The following CAMTA1 variants were observed in gnomAD, a reference collection of about 807,000 sequenced individuals.
CAMTA1 encodes calmodulin binding transcription activator 1, also known as calmodulin-binding transcription activator 1.
A neutral mutation model predicts 170.9 loss-of-function variants in CAMTA1; 27 were observed. That is an observed-to-expected ratio of 0.16 (90% confidence interval 0.12 to 0.22). CAMTA1 has a LOEUF of 0.22. Ranked by LOEUF, CAMTA1 falls within the 10% of genes least tolerant of loss-of-function variation. The pLI is 1.00. For missense variants in CAMTA1, 1,619 were observed against 2,217.2 expected (o/e 0.73, Z 5.42); for synonymous variants, 833 against 891.5 (o/e 0.93, Z 1.17).
chr1:6,958,658 C>T (rs1219929631), intron 3 of CAMTA1, among the ~76,000 whole-genome samples: 1 of 152,204 alleles, frequency 6.6e-6, no homozygotes, highest in Non-Finnish European at 1.5e-5. Context: ...ACAGAGCCTC[C>T]AAGAAGTGCA....
At chr1:7,746,304 T>C (rs964236587) in intron 18 of CAMTA1, among the ~76,000 whole-genome samples, 1 of 152,252 alleles carries the variant, frequency 6.6e-6, no homozygotes, top group African/African-American at 2.4e-5. Flanking sequence ...AAAATATTCA[T>C]AACATAAAGT....
At chr1:7,369,978 G>A (rs375065735) in intron 5 of CAMTA1, 1 of 152,380 alleles carries the variant, frequency 6.6e-6, no homozygotes, top group African/African-American at 2.4e-5. Context: ...TCTCACCCCG[G>A]GTCAAGGTAC....
intron 5 of CAMTA1, among the ~76,000 whole-genome samples, chr1:7,279,002 G>A (rs977890110): frequency 6.6e-6 from 1 of 152,100 alleles, no homozygotes; most frequent in Non-Finnish European, 1.5e-5. Flanking sequence ...TGAGGAGAAG[G>A]GGAAGGCATT....
intron 19 of CAMTA1, 152 bp from the exon 20 acceptor site, chr1:7,751,047 A>T (rs1046487640): frequency 2.7e-6 from 2 of 752,122 alleles, no homozygotes; most frequent in African/African-American, 3.5e-5. Context: ...AAGATTCCTC[A>T]TTTGCCTCTT....
intron 4 of CAMTA1, among the ~76,000 whole-genome samples, chr1:7,101,960 G>A (rs75988591): frequency 0.057 from 8,660 of 151,588 alleles, 266 homozygotes; most frequent in African/African-American, 0.076. Context: ...AACACATAAT[G>A]CATGCATGCA....
chr1:7,207,127 A>G (rs1413231639), intron 4 of CAMTA1, among the ~76,000 whole-genome samples: 1 of 152,228 alleles, frequency 6.6e-6, no homozygotes. Context: ...TACTTGCATT[A>G]TATCTGTTGT....
intron 3 of CAMTA1, chr1:6,874,057 A>G (rs1669136620): frequency 6.6e-6 from 1 of 152,230 alleles, no homozygotes; most frequent in Non-Finnish European, 1.5e-5. Context: ...CATCGATGCT[A>G]CTTCTGTTTT....
intron 5 of CAMTA1, among the ~76,000 whole-genome samples, chr1:7,320,401 GC>G (rs1328042728): frequency 6.6e-6 from 1 of 152,164 alleles, no homozygotes; most frequent in Non-Finnish European, 1.5e-5. Flanking sequence ...GAATCAGTTG[GC>G]CATATGCTAT....
chr1:7,637,305 C>T (rs1221934077), intron 6 of CAMTA1, among the ~76,000 whole-genome samples: 1 of 152,238 alleles, frequency 6.6e-6, no homozygotes, highest in Non-Finnish European at 1.5e-5. Context: ...CCTGCAGGGC[C>T]GGGCTTCTGC....
intron 5 of CAMTA1, among the ~76,000 whole-genome samples, chr1:7,448,484 C>T (rs750992268): frequency 2.0e-5 from 3 of 152,152 alleles, no homozygotes; most frequent in Non-Finnish European, 2.9e-5. Flanking sequence ...GCTGGGCAGG[C>T]GCCAGCCCTC....
rs796574499 is a variant in CAMTA1 at position 7,224,120 on chromosome 1, C to T, written c.303-25371C>T. On this transcript the variant is annotated intron_variant, in intron 4 of 22. Coordinates refer to ENST00000303635, the MANE Select transcript of CAMTA1 (RefSeq NM_015215.4). This position sits in a 1 kb window ranked among gnomAD's most constrained non-coding sequence, Gnocchi z 5.2. ...GGATGGGGCACCTTAACGTTTGTAGCACCTTTACATAAAGCCAGAGTGCTC... is the reference window on the plus strand; with the variant it reads ...GGATGGGGCACCTTAACGTTTGTAGTACCTTTACATAAAGCCAGAGTGCTC... Among the ~76,000 whole-genome samples, 14 of 152,310 alleles carry T rather than the reference C, an allele frequency of 9.2e-5. No homozygotes were observed. Among genetic ancestry groups the T allele is most frequent in the African/African-American group, 3.4e-4 (14 of 41,578 alleles).
intron 6 of CAMTA1, among the ~76,000 whole-genome samples, chr1:7,478,930 T>G (rs992248004): frequency 5.9e-5 from 9 of 152,216 alleles, no homozygotes; most frequent in African/African-American, 2.2e-4. Flanking sequence ...AGACAAAACT[T>G]TGCCTCAAGG....
chr1:7,692,216 AC>A (rs1432047934), intron 11 of CAMTA1, among the ~76,000 whole-genome samples: 1 of 151,972 alleles, frequency 6.6e-6, no homozygotes, highest in Non-Finnish European at 1.5e-5. Context: ...CAGAAGCTTG[AC>A]CCTCTGCTAC....
At chr1:6,862,300 C>T (rs940193652) in intron 3 of CAMTA1, among the ~76,000 whole-genome samples, 11 of 152,120 alleles carry the variant, frequency 7.2e-5, no homozygotes, top group Non-Finnish European at 2.9e-5. Flanking sequence ...TGTGACTGGT[C>T]TATTTCATTT....
intron 3 of CAMTA1, among the ~76,000 whole-genome samples, chr1:6,864,408 C>T (rs539925657): frequency 1.3e-4 from 20 of 152,150 alleles, no homozygotes; most frequent in Non-Finnish European, 1.0e-4. Context: ...CCAATGTGGT[C>T]CTTTTCAAAT....
In CAMTA1 at chr1:6,809,029, CT is replaced by C. The variant is rs397979031; in HGVS notation, c.46-11138del. Among the ~76,000 whole-genome samples the C allele has an allele frequency of 5.4e-3, 768 of 141,220 alleles. 3 individuals are homozygous for C. The highest frequency in any genetic ancestry group is 0.014 in the African/African-American group (539 of 38,786). 92.6% of individuals were successfully genotyped at this position (141,220 alleles called of 152,430 possible). A position where few individuals can be genotyped will look rare whatever the true frequency, so the allele number is the denominator to read the frequency against. Reference sequence around the variant, plus strand: ...CACTGTTTTTCTTCTTCTTCTTTTTCTTTTTTTTTTTTTTGAGATGGAGTTT... The same window carrying C: ...CACTGTTTTTCTTCTTCTTCTTTTTCTTTTTTTTTTTTTGAGATGGAGTTT... On this transcript the variant is annotated intron_variant, in intron 1 of 22. Transcript: ENST00000303635.
Position 7,538,752 on chromosome 1 carries a change from G to A in CAMTA1, c.510+70851G>A, listed in dbSNP as rs2094576771. 2.0e-5 allele frequency among the ~76,000 whole-genome samples: 3 copies of A among 152,206 alleles called. 1 individual carries two copies. In the South Asian group the frequency reaches 6.2e-4, roughly 32 times the overall value. On this transcript the variant is annotated intron_variant, in intron 6 of 22. Coordinates refer to ENST00000303635, the MANE Select transcript of CAMTA1 (RefSeq NM_015215.4). ...AGGGGTGGGGGTTCTTAAAGAGGTAGGGCGTGTGACCAGCTGACCAGCTGC... is the reference window on the plus strand; with the variant it reads ...AGGGGTGGGGGTTCTTAAAGAGGTAAGGCGTGTGACCAGCTGACCAGCTGC...
At position 7,224,578 on chromosome 1, in the gene CAMTA1, C is replaced by T. The variant is rs1472804760; in HGVS notation, c.303-24913C>T. Among the ~76,000 whole-genome samples the T allele has an allele frequency of 6.6e-6, 1 of 152,194 alleles. No homozygotes were observed. Among genetic ancestry groups the T allele is most frequent in the African/African-American group, 2.4e-5 (1 of 41,452 alleles). Reference sequence around the variant, plus strand: ...GGGTTTTATTTTTAAATGTCATCATCGTTTTGTACAGGAGCACAAAACTCA... The same window carrying T: ...GGGTTTTATTTTTAAATGTCATCATTGTTTTGTACAGGAGCACAAAACTCA... On this transcript the variant is annotated intron_variant, in intron 4 of 22. Coordinates refer to ENST00000303635, the MANE Select transcript of CAMTA1 (RefSeq NM_015215.4). This position sits in a 1 kb window ranked among gnomAD's most constrained non-coding sequence, Gnocchi z 5.2.
At position 7,593,361 on chromosome 1, in the gene CAMTA1, A is replaced by G. The variant is rs532026172; in HGVS notation, c.511-47039A>G. ...GACCCAGTGGGAAGAAGTAGATGAT[A>G]AGCAAATAAACAAGAAAATGCTATC... On this transcript the variant is annotated intron_variant, in intron 6 of 22. Coordinates refer to ENST00000303635, the MANE Select transcript of CAMTA1 (RefSeq NM_015215.4). Among the ~76,000 whole-genome samples the G allele has an allele frequency of 8.3e-4, 127 of 152,256 alleles. 1 individual carries two copies. Among genetic ancestry groups the G allele is most frequent in the African/African-American group, 2.8e-3 (116 of 41,552 alleles).
Sources: allele counts gnomAD v4.1 joint callset (sites outside exome capture counted in the v4.1 genomes callset), GRCh38; gene constraint gnomAD v4.1.1; non-coding constraint Gnocchi (gnomAD v3.1); transcripts MANE v1.5; gene names NCBI Gene and HGNC (gene_info 2026-07-23, HGNC 2026-07-21).